The following CLUAP1 variants were observed in gnomAD, a reference collection of about 807,000 sequenced individuals.
The protein encoded by CLUAP1 is intraflagellar transport 38.
In CLUAP1, 50 loss-of-function variants were observed where a neutral mutation model predicts 55.0. That is an observed-to-expected ratio of 0.91 (90% CI 0.72 to 1.15). The LOEUF is 1.15. Among genes scored for constraint, CLUAP1 ranks in the 50% most tolerant of loss-of-function variants. The pLI, the probability that CLUAP1 is intolerant of heterozygous loss-of-function variation, is 0.00. For missense variants in CLUAP1, 530 were observed against 507.6 expected (o/e 1.04, Z -0.42); for synonymous variants, 195 against 175.4 (o/e 1.11, Z -0.88).
chr16:3,522,091 G>A (rs974516526), intron 7 of CLUAP1, among the ~76,000 whole-genome samples: 2 of 151,870 alleles, frequency 1.3e-5, no homozygotes, highest in Admixed American at 6.6e-5. Flanking sequence ...GCCTTAATTC[G>A]TAACAACCTG....
At chr16:3,507,932 GT>G (rs1363926481) in intron 3 of CLUAP1, among the ~76,000 whole-genome samples, 1 of 152,076 alleles carries the variant, frequency 6.6e-6, no homozygotes, top group Non-Finnish European at 1.5e-5. Context: ...ATTTATATAG[GT>G]AGGCTTTTAG....
At chr16:3,526,374 G>A (rs1402999812) in intron 8 of CLUAP1, 38 bp from the exon 9 acceptor site, 4 of 1,450,622 alleles carry the variant, frequency 2.8e-6, no homozygotes, top group Non-Finnish European at 3.8e-6. Flanking sequence ...GTCCAGAAAA[G>A]GGCCATCTCT....
upstream of CLUAP1, among the ~76,000 whole-genome samples, chr16:3,500,601 C>T (rs561925031): frequency 6.6e-6 from 1 of 152,150 alleles, no homozygotes; most frequent in Admixed American, 6.5e-5. Flanking sequence ...GAACTCCTGA[C>T]CTCAAGTGAT....
At chr16:3,526,819 G>A (rs2037954084) in intron 9 of CLUAP1, among the ~76,000 whole-genome samples, 1 of 152,056 alleles carries the variant, frequency 6.6e-6, no homozygotes, top group Non-Finnish European at 1.5e-5. Flanking sequence ...GTTTTCCCCT[G>A]TTTAAATGAT....
At chr16:3,499,242 G>C (rs763106863), upstream of CLUAP1, among the ~76,000 whole-genome samples, 1 of 152,276 alleles carries the variant, frequency 6.6e-6, no homozygotes, top group Non-Finnish European at 1.5e-5. Context: ...CTCCTCCGGA[G>C]GCTGAGGCAG....
At chr16:3,530,332 T>G in intron 9 of CLUAP1, 3 of 432,308 alleles carry the variant, frequency 6.9e-6, no homozygotes, top group Non-Finnish European at 8.4e-6. Flanking sequence ...CAGGTCTGTA[T>G]TGGTTTGAGT....
chr16:3,501,339 GA>G (rs2151037315), intron 1 of CLUAP1, among the ~76,000 whole-genome samples: 1 of 152,364 alleles, frequency 6.6e-6, no homozygotes, highest in South Asian at 2.1e-4. Context: ...CAGAACGCTT[GA>G]AATGTGGCTA....
intron 10 of CLUAP1, among the ~76,000 whole-genome samples, chr16:3,531,138 T>C (rs1394587759): frequency 6.6e-6 from 1 of 152,234 alleles, no homozygotes; most frequent in African/African-American, 2.4e-5. Context: ...AAGGATCATT[T>C]GAGCCTAGGA....
upstream of CLUAP1, chr16:3,496,697 C>T (rs2037315440): frequency 1.9e-6 from 1 of 531,978 alleles, no homozygotes; most frequent in East Asian, 5.2e-5. Context: ...CCACACCAAA[C>T]GCTATTTCCG....
intron 9 of CLUAP1, 103 bp from the exon 10 acceptor site, chr16:3,530,465 A>G: frequency 3.9e-6 from 3 of 763,030 alleles, no homozygotes; most frequent in Non-Finnish European, 6.8e-6. Context: ...GGATAGAATA[A>G]GAAATGAACA....
Position 3,537,170 on chromosome 16 carries a change from G to C in CLUAP1, c.*899G>C, listed in dbSNP as rs2038249242. On this transcript the variant is annotated 3_prime_UTR_variant, in exon 12 of 12. Coordinates refer to ENST00000576634, the MANE Select transcript of CLUAP1 (RefSeq NM_015041.3). The stretch of plus-strand genomic sequence containing the variant: ...GTGCACAACACAGGGACAAAGGCAG[G>C]TTTCCTGCAGCTCGCTACCTAAGTG... 1 of 152,166 alleles carries C rather than the reference G, an allele frequency of 6.6e-6. No homozygotes were observed. Among genetic ancestry groups the C allele is most frequent in the Admixed American group, 6.5e-5 (1 of 15,282 alleles). The allele number at this position is 152,166 out of a possible 1,614,324, so 9.4% of individuals were successfully genotyped here. A position where few individuals can be genotyped will look rare whatever the true frequency, so the allele number is the denominator to read the frequency against.
At chr16:3,530,820 T>G (rs2038101128) in intron 10 of CLUAP1, 145 bp downstream of exon 10, 1 of 616,230 alleles carries the variant, frequency 1.6e-6, no homozygotes, top group African/African-American at 1.9e-5. Context: ...AGGTTTATCC[T>G]GTCCTGTTGT....
At chr16:3,507,740 C>G (rs1053017033) in intron 3 of CLUAP1, among the ~76,000 whole-genome samples, 3 of 137,936 alleles carry the variant, frequency 2.2e-5, no homozygotes, top group African/African-American at 8.2e-5. Context: ...ATATATTTTT[C>G]CTTTGTTTTA....
At chr16:3,512,261 T>C in intron 4 of CLUAP1, 122 bp from the exon 5 acceptor site, 1 of 660,718 alleles carries the variant, frequency 1.5e-6, no homozygotes, top group Non-Finnish European at 2.8e-6. Flanking sequence ...TTTGGGAGGC[T>C]GAGGTCGGAG....
At chr16:3,535,806 G>A in intron 11 of CLUAP1, 1 of 287,542 alleles carries the variant, frequency 3.5e-6, no homozygotes, top group Non-Finnish European at 6.6e-6. Context: ...CTTGCCATCT[G>A]TAGGGGGAGT....
At chr16:3,505,693 AG>A (rs1200182864) in intron 2 of CLUAP1, among the ~76,000 whole-genome samples, 1 of 152,200 alleles carries the variant, frequency 6.6e-6, no homozygotes, top group Non-Finnish European at 1.5e-5. Context: ...GCAGAGTGAC[AG>A]GGGCCTTTTT....
chr16:3,534,961 C>G (rs2038201875), intron 11 of CLUAP1: 1 of 152,236 alleles, frequency 6.6e-6, no homozygotes, highest in Non-Finnish European at 1.5e-5. Flanking sequence ...ATAGATGTGA[C>G]TGCCTAGGGA....
chr16:3,521,517 C>T (rs1259354479), intron 7 of CLUAP1, among the ~76,000 whole-genome samples: 8 of 151,432 alleles, frequency 5.3e-5, no homozygotes, highest in Admixed American at 1.3e-4. Context: ...TCACTGCAAA[C>T]TCTGCCTCCC....
chr16:3,508,587 C>G lies in CLUAP1; in HGVS notation c.399+119C>G. 6.1e-6 allele frequency: 5 copies of G among 820,648 alleles called. No individual in the cohort carries two copies. The South Asian group carries it at 1.2e-4, about 19-fold the overall frequency. 50.8% of individuals were successfully genotyped at this position (820,648 alleles called of 1,614,324 possible). On this transcript the variant is annotated intron_variant, in intron 4 of 11. Transcript: ENST00000576634. ...TCCTCCTCAGCTGAGGGCAGTTTGTCAGTTTTGTGCTCATCAGCATTTGGA... is the reference window on the plus strand; with the variant it reads ...TCCTCCTCAGCTGAGGGCAGTTTGTGAGTTTTGTGCTCATCAGCATTTGGA...
Sources: gnomAD v4.1 joint callset for allele counts (sites outside exome capture counted in the v4.1 genomes callset) on GRCh38, gnomAD v4.1.1 for gene constraint, MANE v1.5 for transcripts, NCBI Gene and HGNC (gene_info 2026-07-23, HGNC 2026-07-21) for gene names.